Variants in BABAM2 observed in about 807,000 individuals in gnomAD.
BABAM2 encodes BRISC and BRCA1 A complex member 2.
A neutral mutation model predicts 54.7 loss-of-function variants in BABAM2; 31 were observed. The ratio of observed to expected loss-of-function variants is 0.57; its 90% CI spans 0.43 to 0.77. The LOEUF (loss-of-function observed/expected upper bound fraction) is 0.77. Ranked by LOEUF, BABAM2 falls within the 30% of genes least tolerant of loss-of-function variation. The pLI is 0.00. For synonymous variants in BABAM2, 167 were observed against 162.9 expected (o/e 1.03, Z -0.19); for missense variants, 364 against 455.8 (o/e 0.80, Z 1.83).
chr2:28,310,228 G>T lies in BABAM2; in HGVS notation c.1088+11737G>T. 4 of 1,476,954 alleles carry T rather than the reference G, an allele frequency of 2.7e-6. No homozygotes were observed. In the South Asian group the frequency reaches 4.6e-5, roughly 17 times the overall value. 91.5% of individuals were successfully genotyped at this position (1,476,954 alleles called of 1,614,324 possible). A position where few individuals can be genotyped will look rare whatever the true frequency, so the allele number is the denominator to read the frequency against. Reference sequence around the variant, plus strand: ...ATGATAAGCTCCATTGAAAAGCCTGGCCATCAATTACTGCCAATACAGCCC... The same window carrying T: ...ATGATAAGCTCCATTGAAAAGCCTGTCCATCAATTACTGCCAATACAGCCC... On this transcript the variant is annotated intron_variant, in intron 11 of 11. Transcript: ENST00000379624.
At chr2:28,006,871 G>GAA (rs1402224281) in intron 4 of BABAM2, among the ~76,000 whole-genome samples, 1 of 151,926 alleles carries the variant, frequency 6.6e-6, no homozygotes, top group African/African-American at 2.4e-5. Context: ...AAAAATTACA[G>GAA]AAATTCTTCT....
rs565884236 is a variant in BABAM2 at position 28,005,513 on chromosome 2, T to G, written c.300+17426T>G. Among the ~76,000 whole-genome samples the G allele has an allele frequency of 1.7e-4, 26 of 152,302 alleles. No individual in the cohort carries two copies. In the South Asian group the frequency reaches 5.4e-3, roughly 32 times the overall value. On this transcript the variant is annotated intron_variant, in intron 4 of 11. Coordinates refer to ENST00000379624, the MANE Select transcript of BABAM2 (RefSeq NM_199191.3). ...AGGAAACAATGCATTTTAAAATGTT[T>G]GTAACATTTAGAATAAAGGACTAAG...
rs879351795 is a variant in BABAM2 at position 27,907,255 on chromosome 2, C to CT, written c.128+12583dup. On this transcript the variant is annotated intron_variant, in intron 2 of 11. Coordinates refer to ENST00000379624, the MANE Select transcript of BABAM2 (RefSeq NM_199191.3). ...TCTCTTGACTTTTTGAAAAATACATCTTTTTTTTTTTTGTTTTCCGAGAAG... is the reference window on the plus strand; with the variant it reads ...TCTCTTGACTTTTTGAAAAATACATCTTTTTTTTTTTTTGTTTTCCGAGAAG... Among the ~76,000 whole-genome samples, 633 of 145,014 alleles carry CT rather than the reference C, an allele frequency of 4.4e-3. 7 individuals are homozygous for CT. The highest frequency in any genetic ancestry group is 0.013 in the African/African-American group (498 of 39,722).
intron 7 of BABAM2, among the ~76,000 whole-genome samples, chr2:28,231,313 A>G (rs1270197147): frequency 6.6e-6 from 1 of 152,122 alleles, no homozygotes; most frequent in African/African-American, 2.4e-5. Flanking sequence ...AGTGCCCCAG[A>G]TTCTTGAGGT....
chr2:28,334,345 C>T (rs1024737123), intron 11 of BABAM2, among the ~76,000 whole-genome samples: 17 of 152,250 alleles, frequency 1.1e-4, no homozygotes, highest in African/African-American at 4.1e-4. Context: ...AAGTGGAGGG[C>T]TCCCCGGACC....
At chr2:28,115,721 G>A (rs1475909110) in intron 6 of BABAM2, among the ~76,000 whole-genome samples, 2 of 152,024 alleles carry the variant, frequency 1.3e-5, no homozygotes, top group Non-Finnish European at 2.9e-5. Context: ...CCGGGGAGAA[G>A]GCGTCCAGGA....
intron 5 of BABAM2, among the ~76,000 whole-genome samples, chr2:28,041,867 TA>T (rs1236178726): frequency 1.3e-5 from 2 of 152,126 alleles, no homozygotes; most frequent in East Asian, 1.9e-4. Context: ...GTCATGAGAA[TA>T]AACTGCAGGT....
chr2:28,081,024 G>C (rs1015675573), intron 6 of BABAM2, among the ~76,000 whole-genome samples: 1 of 152,154 alleles, frequency 6.6e-6, no homozygotes, highest in African/African-American at 2.4e-5. Context: ...TGAGAAGGGA[G>C]TAAAAAACAC....
At chr2:28,232,018 C>G (rs1451587037) in intron 7 of BABAM2, among the ~76,000 whole-genome samples, 1 of 151,850 alleles carries the variant, frequency 6.6e-6, no homozygotes, top group Admixed American at 6.6e-5. Context: ...GTTGCCCAGG[C>G]TGGTCTCAAA....
chr2:28,165,529 C>G (rs1052655206), intron 7 of BABAM2, among the ~76,000 whole-genome samples: 2 of 72,272 alleles, frequency 2.8e-5, no homozygotes, highest in Non-Finnish European at 4.8e-5. Flanking sequence ...TTTTTCCTTG[C>G]TTTTTTTTTT....
At chr2:28,263,145 A>G (rs891580979) in intron 10 of BABAM2, among the ~76,000 whole-genome samples, 6 of 143,210 alleles carry the variant, frequency 4.2e-5, no homozygotes, top group Admixed American at 2.7e-4. Context: ...AAAAAAAAAA[A>G]AAGAAGAAAA....
intron 11 of BABAM2, chr2:28,309,825 T>C (rs1688912214): frequency 2.2e-6 from 1 of 450,468 alleles, no homozygotes; most frequent in South Asian, 3.0e-5. Flanking sequence ...CAGGCCAACA[T>C]AGCTCGGGTG....
intron 11 of BABAM2, among the ~76,000 whole-genome samples, chr2:28,299,406 C>T (rs2148245088): frequency 6.6e-6 from 1 of 152,240 alleles, no homozygotes; most frequent in Middle Eastern, 3.4e-3. Context: ...ATTGAAGAAG[C>T]AGTGGATCAA....
At chr2:28,231,833 A>T (rs1424492623) in intron 7 of BABAM2, among the ~76,000 whole-genome samples, 4 of 124,120 alleles carry the variant, frequency 3.2e-5, no homozygotes, top group African/African-American at 1.3e-4. Context: ...TAAGAGACAG[A>T]GTCCCAATCA....
intron 7 of BABAM2, among the ~76,000 whole-genome samples, chr2:28,178,719 A>G (rs1204761621): frequency 6.6e-6 from 1 of 151,624 alleles, no homozygotes; most frequent in Non-Finnish European, 1.5e-5. Context: ...TAAAAAGATG[A>G]ACAGCAGCAA....
chr2:28,119,669 C>T (rs60553414), intron 6 of BABAM2, among the ~76,000 whole-genome samples: 16,270 of 151,990 alleles, frequency 0.11, 893 homozygotes, highest in East Asian at 0.13. Context: ...CAAACATATT[C>T]CTGCATAAAT....
At chr2:27,988,702 C>T (rs1672570685) in intron 4 of BABAM2, among the ~76,000 whole-genome samples, 1 of 152,144 alleles carries the variant, frequency 6.6e-6, no homozygotes, top group Non-Finnish European at 1.5e-5. Flanking sequence ...CTTTAGTAAG[C>T]ATACGTACTT....
At chr2:27,938,120 C>A (rs182856646) in intron 3 of BABAM2, among the ~76,000 whole-genome samples, 1 of 152,064 alleles carries the variant, frequency 6.6e-6, no homozygotes, top group African/African-American at 2.4e-5. Flanking sequence ...GCTGTAGAAG[C>A]GTGGTTTTAT....
intron 6 of BABAM2, among the ~76,000 whole-genome samples, chr2:28,083,125 C>T (rs1407935435): frequency 6.6e-6 from 1 of 152,160 alleles, no homozygotes; most frequent in Non-Finnish European, 1.5e-5. Flanking sequence ...CTTTTTGCTG[C>T]ACCTTGTACT....
Sources: allele counts gnomAD v4.1 joint callset (sites outside exome capture counted in the v4.1 genomes callset), GRCh38; gene constraint gnomAD v4.1.1; transcripts MANE v1.5; gene names NCBI Gene and HGNC (gene_info 2026-07-23, HGNC 2026-07-21).